Variants in SEM1 observed in about 807,000 individuals in gnomAD.
The protein encoded by SEM1 is SEM1 26S proteasome subunit.
In SEM1, 3 loss-of-function variants were observed where a neutral mutation model predicts 12.7. The observed-to-expected ratio is 0.24, with a 90% CI of 0.11 to 0.61. SEM1 has a LOEUF of 0.61. SEM1 is among the 20% of genes least tolerant of loss of function. The pLI is 0.88. For missense variants in SEM1, 59 were observed against 81.3 expected, an observed-to-expected ratio of 0.73 and a Z score of 1.06; for synonymous variants, 30 against 27.8, an observed-to-expected ratio of 1.08 and a Z score of -0.25.
At chr7:96,549,419 G>A (rs1805198046) in intron 2 of SEM1, among the ~76,000 whole-genome samples, 1 of 152,156 alleles carries the variant, frequency 6.6e-6, no homozygotes, top group Non-Finnish European at 1.5e-5. Flanking sequence ...AATCAAGAAT[G>A]TCCAATAACA....
At chr7:96,517,383 T>C (rs1325805479) in intron 2 of SEM1, among the ~76,000 whole-genome samples, 1 of 152,152 alleles carries the variant, frequency 6.6e-6, no homozygotes, top group African/African-American at 2.4e-5. Flanking sequence ...GTAAAAGTGC[T>C]CTAAAAGACA....
chr7:96,682,020 T>C (rs527929995), intron 2 of SEM1, among the ~76,000 whole-genome samples: 6 of 152,316 alleles, frequency 3.9e-5, no homozygotes, highest in African/African-American at 1.2e-4. Flanking sequence ...TCTATGAGGA[T>C]GGAATGTTTT....
At chr7:96,494,047 A>G (rs1281297921) in intron 1 of SEM1, among the ~76,000 whole-genome samples, 1 of 152,198 alleles carries the variant, frequency 6.6e-6, no homozygotes, top group Non-Finnish European at 1.5e-5. Flanking sequence ...TAACAGGAAG[A>G]CACAAATTGC....
intron 2 of SEM1, among the ~76,000 whole-genome samples, chr7:96,591,255 C>G (rs1382616407): frequency 1.3e-5 from 2 of 152,036 alleles, no homozygotes; most frequent in African/African-American, 2.4e-5. Flanking sequence ...TTTACACGAA[C>G]AGCAAATCTC....
At chr7:96,499,664 G>A (rs762015964), upstream of SEM1, among the ~76,000 whole-genome samples, 14 of 152,096 alleles carry the variant, frequency 9.2e-5, no homozygotes, top group Non-Finnish European at 1.8e-4. Context: ...CAAGTCAGTT[G>A]TGCCTATTTT....
intron 2 of SEM1, among the ~76,000 whole-genome samples, chr7:96,674,532 T>G (rs1789404064): frequency 6.6e-6 from 1 of 151,864 alleles, no homozygotes; most frequent in African/African-American, 2.4e-5. Context: ...AGCGTGGTGG[T>G]GCATGCCTGT....
At chr7:96,641,969 A>T (rs1808627231) in intron 2 of SEM1, among the ~76,000 whole-genome samples, 1 of 152,020 alleles carries the variant, frequency 6.6e-6, no homozygotes, top group South Asian at 2.1e-4. Context: ...GGAAATAATA[A>T]TCTAAGTCAC....
chr7:96,553,510 T>C (rs1011223248), intron 2 of SEM1, among the ~76,000 whole-genome samples: 2 of 151,864 alleles, frequency 1.3e-5, no homozygotes, highest in Admixed American at 6.6e-5. Flanking sequence ...GTTGTAGATA[T>C]GCAGCATTAT....
intron 2 of SEM1, among the ~76,000 whole-genome samples, chr7:96,559,401 C>T (rs1467455070): frequency 6.6e-6 from 1 of 152,108 alleles, no homozygotes; most frequent in African/African-American, 2.4e-5. Context: ...CCCACCTCAG[C>T]CTCCCAGGTA....
chr7:96,661,040 A>G (rs1026024749), intron 2 of SEM1, among the ~76,000 whole-genome samples: 1 of 152,226 alleles, frequency 6.6e-6, no homozygotes, highest in Admixed American at 6.5e-5. Context: ...CCTCTTTCAA[A>G]ATATTTCATA....
At chr7:96,522,062 C>T (rs541848029) in intron 2 of SEM1, among the ~76,000 whole-genome samples, 1 of 152,084 alleles carries the variant, frequency 6.6e-6, no homozygotes, top group East Asian at 1.9e-4. Context: ...TGTTTCCCCT[C>T]TTTTCAAAAT....
At chr7:96,548,778 C>T (rs994230028) in intron 2 of SEM1, among the ~76,000 whole-genome samples, 6 of 152,030 alleles carry the variant, frequency 3.9e-5, no homozygotes, top group Admixed American at 6.6e-5. Flanking sequence ...GAGTGCCTAC[C>T]GCATATTTAG....
At chr7:96,565,716 G>A (rs971666735) in intron 2 of SEM1, among the ~76,000 whole-genome samples, 1 of 151,788 alleles carries the variant, frequency 6.6e-6, no homozygotes, top group Non-Finnish European at 1.5e-5. Flanking sequence ...GCTTTAAAAA[G>A]AAGACTTTTT....
At chr7:96,535,767 G>A (rs992728295) in intron 2 of SEM1, among the ~76,000 whole-genome samples, 38 of 151,782 alleles carry the variant, frequency 2.5e-4, no homozygotes, top group African/African-American at 8.0e-4. Flanking sequence ...AACTACATCC[G>A]TGTTGCTGTA....
intron 2 of SEM1, among the ~76,000 whole-genome samples, chr7:96,648,941 G>A (rs1462024563): frequency 1.3e-5 from 2 of 152,156 alleles, no homozygotes; most frequent in Non-Finnish European, 2.9e-5. Context: ...TCCCCTGCCT[G>A]GATCAGTCAC....
intron 2 of SEM1, among the ~76,000 whole-genome samples, chr7:96,582,604 G>T (rs1204859823): frequency 6.6e-6 from 1 of 152,178 alleles, no homozygotes; most frequent in African/African-American, 2.4e-5. Context: ...TCTGGTCCTA[G>T]ACTCTTTTTG....
Position 96,632,657 on chromosome 7 carries a change from C to T in SEM1, c.171-10014G>A, listed in dbSNP as rs138365178. On this transcript the variant is annotated intron_variant, in intron 2 of 2. Coordinates refer to the SEM1 transcript ENST00000417009. The stretch of plus-strand genomic sequence containing the variant: ...CCATGGCACGTGTATACCTATGTAA[C>T]GAACCTGCACATTCTGCACATGTAT... Among the ~76,000 whole-genome samples the T allele has an allele frequency of 6.1e-3, 921 of 151,926 alleles. 12 individuals carry two copies. Among genetic ancestry groups the T allele is most frequent in the African/African-American group, 0.021 (872 of 41,442 alleles).
At chr7:96,553,206 C>T (rs1379060477) in intron 2 of SEM1, among the ~76,000 whole-genome samples, 3 of 149,450 alleles carry the variant, frequency 2.0e-5, no homozygotes, top group Admixed American at 6.6e-5. Context: ...TAATTAGATC[C>T]CATTTGTCAA....
chr7:96,644,728 T>C (rs1399963814), intron 2 of SEM1, among the ~76,000 whole-genome samples: 1 of 152,130 alleles, frequency 6.6e-6, no homozygotes, highest in Non-Finnish European at 1.5e-5. Flanking sequence ...AAGACTCTGT[T>C]CATCCTGGAC....
Sources: gnomAD v4.1 joint callset for allele counts (sites outside exome capture counted in the v4.1 genomes callset) on GRCh38, gnomAD v4.1.1 for gene constraint, MANE v1.5 for transcripts, NCBI Gene and HGNC (gene_info 2026-07-23, HGNC 2026-07-21) for gene names.